The following FBXL7 variants were observed in gnomAD, a reference collection of about 807,000 sequenced individuals.
FBXL7 encodes F-box/LRR-repeat protein 7.
In FBXL7, 12 loss-of-function variants were observed where a neutral mutation model predicts 38.3. The ratio of observed to expected loss-of-function variants is 0.31; its 90% CI spans 0.20 to 0.51. FBXL7 has a LOEUF of 0.51. FBXL7 is among the 20% of genes least tolerant of loss of function. The pLI is 0.98. For synonymous variants in FBXL7, 297 were observed against 300.9 expected (o/e 0.99, Z 0.13); for missense variants, 567 against 676.4 (o/e 0.84, Z 1.79).
intron 1 of FBXL7, among the ~76,000 whole-genome samples, chr5:15,564,499 T>A (rs879355676): frequency 2.6e-5 from 4 of 151,922 alleles, no homozygotes; most frequent in African/African-American, 7.2e-5. Context: ...TTCATGGGAT[T>A]TATTGAGTAA....
chr5:15,647,743 T>G (rs4702090), intron 2 of FBXL7, among the ~76,000 whole-genome samples: 55,863 of 152,060 alleles, frequency 0.37, 10,577 homozygotes, highest in East Asian at 0.52. Context: ...GGAGTATTTT[T>G]GCATGTCATG....
intron 2 of FBXL7, among the ~76,000 whole-genome samples, chr5:15,657,292 T>C (rs1038355348): frequency 6.6e-6 from 1 of 152,214 alleles, no homozygotes; most frequent in Non-Finnish European, 1.5e-5. Flanking sequence ...CCTACTTTAG[T>C]AGGCAACTTT....
At chr5:15,868,887 G>C (rs777815429) in intron 2 of FBXL7, among the ~76,000 whole-genome samples, 1 of 152,112 alleles carries the variant, frequency 6.6e-6, no homozygotes, top group Non-Finnish European at 1.5e-5. Flanking sequence ...CTTGCCACTA[G>C]AGTAATTGTA....
At chr5:15,858,226 C>T (rs190475) in intron 2 of FBXL7, among the ~76,000 whole-genome samples, 149,149 of 149,152 alleles carry the variant, frequency 1, 74,573 homozygotes, top group Non-Finnish European at 1. Context: ...ATATATATAA[C>T]ATATGCATAT....
chr5:15,714,848 C>CAAAA (rs35229749), intron 2 of FBXL7, among the ~76,000 whole-genome samples: 10 of 76,574 alleles, frequency 1.3e-4, no homozygotes, highest in African/African-American at 1.6e-4. Context: ...GAGTCCGTCT[C>CAAAA]AAAAAAAAAA....
chr5:15,894,179 T>G (rs574126331), intron 2 of FBXL7, among the ~76,000 whole-genome samples: 2 of 152,344 alleles, frequency 1.3e-5, no homozygotes, highest in African/African-American at 4.8e-5. Flanking sequence ...GCTCCTCGCT[T>G]GAACTCAGGA....
At chr5:15,703,550 G>C (rs1183066090) in intron 2 of FBXL7, among the ~76,000 whole-genome samples, 3 of 152,028 alleles carry the variant, frequency 2.0e-5, no homozygotes, top group African/African-American at 7.2e-5. Context: ...AAACAACTTG[G>C]ATCTGAAAAT....
chr5:15,727,596 G>A (rs1472114849), intron 2 of FBXL7, among the ~76,000 whole-genome samples: 1 of 152,138 alleles, frequency 6.6e-6, no homozygotes, highest in Non-Finnish European at 1.5e-5. Context: ...CATCTTTAGG[G>A]AATCCCATGT....
In FBXL7 at chr5:15,500,685, G is replaced by C. The variant is rs1476626302; in HGVS notation, c.9G>C (p.Ala3=). Residue 3 remains alanine, a synonymous_variant, in exon 1 of 4, where the codon GCG becomes GCC. Coordinates refer to ENST00000504595, the MANE Select transcript of FBXL7 (RefSeq NM_012304.5). The stretch of plus-strand genomic sequence containing the variant: ...GGCATGACGGCTACAGGATGGGCGC[G>C]AACAATGGCAAACAGTACGGCAGTG... The part of the protein sequence containing the change: MG[A]NNGKQYGSEG... 12 of 1,611,662 alleles carry C rather than the reference G, an allele frequency of 7.4e-6. No individual in the cohort carries two copies. Among genetic ancestry groups the C allele is most frequent in the Non-Finnish European group, 9.3e-6 (11 of 1,178,776 alleles).
chr5:15,624,472 A>T (rs1454231117), intron 2 of FBXL7, among the ~76,000 whole-genome samples: 1 of 152,212 alleles, frequency 6.6e-6, no homozygotes, highest in Non-Finnish European at 1.5e-5. Flanking sequence ...TTTTGCTTTT[A>T]TTATTATTTT....
chr5:15,665,550 A>G (rs1227440436), intron 2 of FBXL7, among the ~76,000 whole-genome samples: 1 of 152,096 alleles, frequency 6.6e-6, no homozygotes, highest in African/African-American at 2.4e-5. Context: ...AACACTTGCA[A>G]CTTTCTACAC....
At chr5:15,508,828 G>T (rs1285967187) in intron 1 of FBXL7, among the ~76,000 whole-genome samples, 2 of 152,040 alleles carry the variant, frequency 1.3e-5, no homozygotes, top group South Asian at 2.1e-4. Context: ...AATATATTTA[G>T]ATATTAATTT....
At chr5:15,693,580 A>C (rs578127704) in intron 2 of FBXL7, among the ~76,000 whole-genome samples, 1 of 152,184 alleles carries the variant, frequency 6.6e-6, no homozygotes, top group Admixed American at 6.5e-5. Context: ...TTCATGCCCA[A>C]ATGTTGCATT....
At chr5:15,570,619 G>A (rs1009453614) in intron 1 of FBXL7, among the ~76,000 whole-genome samples, 2 of 152,172 alleles carry the variant, frequency 1.3e-5, no homozygotes, top group African/African-American at 4.8e-5. Context: ...CTCTATGCAA[G>A]GTACAGACCT....
intron 1 of FBXL7, among the ~76,000 whole-genome samples, chr5:15,578,997 C>G (rs894844793): frequency 1.3e-5 from 2 of 152,160 alleles, no homozygotes; most frequent in Non-Finnish European, 2.9e-5. Flanking sequence ...AGATATACAG[C>G]CTTTGCCAAC....
chr5:15,780,856 G>T (rs1355221650), intron 2 of FBXL7, among the ~76,000 whole-genome samples: 1 of 152,174 alleles, frequency 6.6e-6, no homozygotes, highest in African/African-American at 2.4e-5. Context: ...ACCACCAAAA[G>T]CTGGGTTTGC....
intron 2 of FBXL7, among the ~76,000 whole-genome samples, chr5:15,734,120 A>G (rs76011257): frequency 6.6e-6 from 1 of 151,480 alleles, no homozygotes; most frequent in East Asian, 1.9e-4. Context: ...GTCTCAAAAA[A>G]AAAAAAAAAA....
At chr5:15,749,859 ACT>A (rs748412307) in intron 2 of FBXL7, among the ~76,000 whole-genome samples, 10 of 152,158 alleles carry the variant, frequency 6.6e-5, no homozygotes, top group South Asian at 2.1e-4. Context: ...AGCCCAGGAG[ACT>A]CTGCCTACAA....
At chr5:15,816,708 T>C (rs1287732881) in intron 2 of FBXL7, among the ~76,000 whole-genome samples, 6 of 152,248 alleles carry the variant, frequency 3.9e-5, no homozygotes, top group African/African-American at 1.4e-4. Context: ...ATCTGTCTAC[T>C]ACTCTGTTCT....
Sources: gnomAD v4.1 joint callset for allele counts (sites outside exome capture counted in the v4.1 genomes callset) on GRCh38, gnomAD v4.1.1 for gene constraint, MANE v1.5 for transcripts, NCBI Gene and HGNC (gene_info 2026-07-23, HGNC 2026-07-21) for gene names.